NRXN1: variants seen among roughly 807,000 people sequenced by gnomAD.
NRXN1 encodes neurexin 1.
Under a neutral mutation model 150.9 loss-of-function variants are expected in NRXN1, and 39 were observed. The ratio of observed to expected loss-of-function variants is 0.26; its 90% confidence interval spans 0.20 to 0.34. NRXN1 has a LOEUF of 0.34. Ranked by LOEUF, NRXN1 falls within the 10% of genes least tolerant of loss-of-function variation. The pLI, the probability that NRXN1 is intolerant of heterozygous loss-of-function variation, is 1.00. For synonymous variants in NRXN1, 924 were observed against 757.0 expected (o/e 1.22, Z -3.62); for missense variants, 1,815 against 1,949.9 (o/e 0.93, Z 1.30).
chr2:50,080,079 G>T (rs1697720739), intron 19 of NRXN1, among the ~76,000 whole-genome samples: 1 of 152,008 alleles, frequency 6.6e-6, no homozygotes, highest in Non-Finnish European at 1.5e-5. Flanking sequence ...CATGACACAT[G>T]AATCATCCCG....
At chr2:50,109,848 A>G (rs916939805) in intron 18 of NRXN1, among the ~76,000 whole-genome samples, 3 of 152,116 alleles carry the variant, frequency 2.0e-5, no homozygotes, top group African/African-American at 7.2e-5. Flanking sequence ...TTATTTATTG[A>G]TGTCACACAA....
At chr2:50,033,327 C>A (rs1164970362) in intron 21 of NRXN1, among the ~76,000 whole-genome samples, 2 of 151,904 alleles carry the variant, frequency 1.3e-5, no homozygotes, top group Non-Finnish European at 2.9e-5. Flanking sequence ...AGGCTGCACA[C>A]CTACAACCAT....
intron 19 of NRXN1, among the ~76,000 whole-genome samples, chr2:50,070,642 C>T (rs1052414790): frequency 2.9e-4 from 44 of 150,994 alleles, no homozygotes; most frequent in African/African-American, 8.7e-4. Context: ...TAGTGGCGGG[C>T]GCCTGTAGTC....
intron 5 of NRXN1, among the ~76,000 whole-genome samples, chr2:50,758,582 A>C (rs1236324610): frequency 1.3e-5 from 2 of 151,880 alleles, no homozygotes; most frequent in East Asian, 3.9e-4. Flanking sequence ...AGCTGGGACT[A>C]AAAGTGCCCA....
At chr2:50,370,155 A>G (rs933708821) in intron 17 of NRXN1, among the ~76,000 whole-genome samples, 1 of 151,946 alleles carries the variant, frequency 6.6e-6, no homozygotes, top group Non-Finnish European at 1.5e-5. Context: ...CTATCTCTGC[A>G]TGTACATTGT....
At chr2:50,373,294 T>TTTTTATTA (rs1553512408) in intron 17 of NRXN1, among the ~76,000 whole-genome samples, 1 of 140,412 alleles carries the variant, frequency 7.1e-6, no homozygotes, top group African/African-American at 2.7e-5. Context: ...TATTTTATTT[T>TTTTTATTA]TTATTATTAT....
At chr2:50,296,695 T>G (rs1452932367) in intron 17 of NRXN1, among the ~76,000 whole-genome samples, 1 of 151,956 alleles carries the variant, frequency 6.6e-6, no homozygotes, top group African/African-American at 2.4e-5. Flanking sequence ...CTTGAACTCC[T>G]GGCTTCAAAT....
chr2:50,896,274 C>T (rs1192051253), intron 5 of NRXN1, among the ~76,000 whole-genome samples: 4 of 152,096 alleles, frequency 2.6e-5, no homozygotes. Flanking sequence ...CCAAAAACAT[C>T]CCAGCTCATA....
At chr2:50,928,065 T>C (rs1209819063) in intron 2 of NRXN1, among the ~76,000 whole-genome samples, 1 of 151,998 alleles carries the variant, frequency 6.6e-6, no homozygotes, top group Non-Finnish European at 1.5e-5. Flanking sequence ...TACTCTACCA[T>C]CTAGCATTTT....
intron 18 of NRXN1, among the ~76,000 whole-genome samples, chr2:50,226,596 C>T (rs1432709106): frequency 6.6e-6 from 1 of 151,848 alleles, no homozygotes; most frequent in Non-Finnish European, 1.5e-5. Context: ...TGTGGAGTAG[C>T]TGAAGATGAG....
chr2:50,419,058 C>T (rs1212086712), intron 17 of NRXN1, among the ~76,000 whole-genome samples: 1 of 151,934 alleles, frequency 6.6e-6, no homozygotes, highest in African/African-American at 2.4e-5. Flanking sequence ...GAGGAAGGGG[C>T]CATGATTTGC....
chr2:50,644,602 G>A (rs1257544944), intron 5 of NRXN1, among the ~76,000 whole-genome samples: 1 of 151,400 alleles, frequency 6.6e-6, no homozygotes, highest in Non-Finnish European at 1.5e-5. Flanking sequence ...TTCACTAGAA[G>A]AATTTTTTTC....
chr2:50,030,450 C>T (rs1648677511), intron 21 of NRXN1, among the ~76,000 whole-genome samples: 1 of 152,096 alleles, frequency 6.6e-6, no homozygotes, highest in South Asian at 2.1e-4. Context: ...CTATAAAACA[C>T]TTTATGTCAT....
At position 50,112,220 on chromosome 2, in the gene NRXN1, T is replaced by C. The variant is rs1353602949; in HGVS notation, c.3547-20726A>G. On this transcript the variant is annotated intron_variant, in intron 18 of 22. Coordinates refer to ENST00000401669, the MANE Select transcript of NRXN1 (RefSeq NM_001330078.2). ...TGTGTTGCCTTTGCTTAAACCTTTT[T>C]CTTCATCCAAAATACTCCTACCTCT... Among the ~76,000 whole-genome samples, 4 of 152,328 alleles carry C rather than the reference T, an allele frequency of 2.6e-5. No homozygotes were observed. The East Asian group carries it at 7.7e-4, about 29-fold the overall frequency.
intron 18 of NRXN1, among the ~76,000 whole-genome samples, chr2:50,151,217 G>C (rs555374094): frequency 6.6e-6 from 1 of 151,578 alleles, no homozygotes; most frequent in Admixed American, 6.6e-5. Flanking sequence ...GTTATTTAAG[G>C]TTTCTTTCCA....
rs750980388 is a variant in NRXN1 at position 50,888,634 on chromosome 2, A to G, written c.832+33235T>C. On this transcript the variant is annotated intron_variant, in intron 5 of 22. Coordinates refer to ENST00000401669, the MANE Select transcript of NRXN1 (RefSeq NM_001330078.2). ...TGAACTGCAATAACTGTAATCCACC[A>G]TTAGCTTCAGAAAAAAGTATAATGT... Among the ~76,000 whole-genome samples, 5 of 151,720 alleles carry G rather than the reference A, an allele frequency of 3.3e-5. No individual in the cohort carries two copies. The East Asian group carries it at 9.7e-4, about 30-fold the overall frequency.
chr2:50,200,507 C>A (rs983333117), intron 18 of NRXN1, among the ~76,000 whole-genome samples: 1 of 152,042 alleles, frequency 6.6e-6, no homozygotes, highest in African/African-American at 2.4e-5. Context: ...GATGTTTTGG[C>A]AAGAATTATG....
chr2:50,682,577 T>C (rs1368402008), intron 5 of NRXN1, among the ~76,000 whole-genome samples: 2 of 152,114 alleles, frequency 1.3e-5, no homozygotes, highest in African/African-American at 2.4e-5. Context: ...AGCGATGTTA[T>C]AGCTTGGGGT....
At chr2:50,884,534 T>A (rs1050602281) in intron 5 of NRXN1, among the ~76,000 whole-genome samples, 1 of 151,728 alleles carries the variant, frequency 6.6e-6, no homozygotes, top group Admixed American at 6.6e-5. Flanking sequence ...AGACTAAATA[T>A]CTTACTAGAG....
Sources: allele counts gnomAD v4.1 joint callset (sites outside exome capture counted in the v4.1 genomes callset), GRCh38; gene constraint gnomAD v4.1.1; transcripts MANE v1.5; gene names NCBI Gene and HGNC (gene_info 2026-07-23, HGNC 2026-07-21).